Variants in FAM135B observed in about 807,000 individuals in gnomAD.
FAM135B encodes family with sequence similarity 135 member B, also known as protein FAM135B.
FAM135B carries 43 observed loss-of-function variants against 127.7 expected under a neutral mutation model. The observed-to-expected ratio is 0.34, with a 90% CI of 0.26 to 0.43. The LOEUF is 0.43. Among genes scored for constraint, FAM135B ranks in the 20% least tolerant of loss-of-function variants. The probability of loss-of-function intolerance (pLI) is 1.00; values close to 1 mark genes in which losing one functional copy is unlikely to be tolerated. For missense variants in FAM135B, 1,558 were observed against 1,725.6 expected (o/e 0.90, Z 1.72); for synonymous variants, 670 against 665.1 (o/e 1.01, Z -0.11).
upstream of FAM135B, among the ~76,000 whole-genome samples, chr8:138,497,690 C>T (rs534183616): frequency 6.6e-6 from 1 of 152,298 alleles, no homozygotes; most frequent in Non-Finnish European, 1.5e-5. Context: ...ATGGGCTCCT[C>T]ACTTCATGCT....
intron 1 of FAM135B, among the ~76,000 whole-genome samples, chr8:138,487,655 G>C (rs1189349443): frequency 6.7e-6 from 1 of 150,044 alleles, no homozygotes; most frequent in Non-Finnish European, 1.5e-5. Flanking sequence ...GCGGGGCAGG[G>C]GCTGGGCAGG....
intron 7 of FAM135B, among the ~76,000 whole-genome samples, chr8:138,210,240 T>C (rs905135645): frequency 8.5e-5 from 13 of 152,200 alleles, no homozygotes; most frequent in Non-Finnish European, 1.6e-4. Context: ...GCTTTTCTGA[T>C]TTTAATTATA....
At chr8:138,405,848 T>C (rs1833450907) in intron 1 of FAM135B, among the ~76,000 whole-genome samples, 1 of 151,982 alleles carries the variant, frequency 6.6e-6, no homozygotes, top group African/African-American at 2.4e-5. Flanking sequence ...AAAGTGTTCC[T>C]ATTTCTCCAC....
intron 1 of FAM135B, among the ~76,000 whole-genome samples, chr8:138,402,385 C>G (rs1833203047): frequency 6.6e-6 from 1 of 152,134 alleles, no homozygotes; most frequent in South Asian, 2.1e-4. Context: ...ATTCTGTGCT[C>G]AGCTCTTGAT....
At chr8:138,215,213 T>C (rs1400407204) in intron 7 of FAM135B, among the ~76,000 whole-genome samples, 1 of 152,206 alleles carries the variant, frequency 6.6e-6, no homozygotes, top group Non-Finnish European at 1.5e-5. Flanking sequence ...GCCAGTTAGT[T>C]ATCTCTCTAT....
At chr8:138,430,817 G>A (rs1017349473) in intron 1 of FAM135B, among the ~76,000 whole-genome samples, 16 of 152,086 alleles carry the variant, frequency 1.1e-4, no homozygotes, top group Non-Finnish European at 1.6e-4. Context: ...TAATAATTAC[G>A]AAACTGTTCT....
intron 1 of FAM135B, among the ~76,000 whole-genome samples, chr8:138,429,638 G>A (rs1486053262): frequency 6.6e-6 from 1 of 152,162 alleles, no homozygotes; most frequent in Non-Finnish European, 1.5e-5. Context: ...ACAGCTTTCT[G>A]TTAATGACTA....
At chr8:138,414,119 C>CATATATATATATATACATAT (rs1834014095) in intron 1 of FAM135B, among the ~76,000 whole-genome samples, 2 of 124,688 alleles carry the variant, frequency 1.6e-5, no homozygotes, top group Non-Finnish European at 3.4e-5. Context: ...CACACAAATA[C>CATATATATATATATACATAT]ATATATATAT....
At chr8:138,333,645 T>C (rs1364951394) in intron 2 of FAM135B, among the ~76,000 whole-genome samples, 5 of 152,180 alleles carry the variant, frequency 3.3e-5, no homozygotes, top group Non-Finnish European at 5.9e-5. Context: ...AGTCATATCA[T>C]GCTCCTTCTT....
At chr8:138,203,279 C>A (rs1817289570) in intron 7 of FAM135B, among the ~76,000 whole-genome samples, 1 of 152,110 alleles carries the variant, frequency 6.6e-6, no homozygotes, top group Non-Finnish European at 1.5e-5. Flanking sequence ...TGTCACAAAA[C>A]CATCTTACAT....
intron 3 of FAM135B, among the ~76,000 whole-genome samples, chr8:138,297,927 C>A (rs764171946): frequency 6.6e-6 from 1 of 152,202 alleles, no homozygotes; most frequent in Non-Finnish European, 1.5e-5. Flanking sequence ...CAGATGCTTG[C>A]CACAGGTCCT....
At chr8:138,274,610 A>G (rs1048338056) in intron 3 of FAM135B, among the ~76,000 whole-genome samples, 6 of 152,166 alleles carry the variant, frequency 3.9e-5, no homozygotes, top group African/African-American at 1.4e-4. Context: ...CTTCCTAATA[A>G]GCCTGGGAGC....
intron 7 of FAM135B, among the ~76,000 whole-genome samples, chr8:138,232,319 C>T (rs1188740993): frequency 6.6e-6 from 1 of 152,146 alleles, no homozygotes; most frequent in Non-Finnish European, 1.5e-5. Flanking sequence ...CTCCATCATG[C>T]CCAGAAATAC....
At chr8:138,355,537 A>G (rs1256701778) in intron 2 of FAM135B, among the ~76,000 whole-genome samples, 1 of 152,124 alleles carries the variant, frequency 6.6e-6, no homozygotes, top group Non-Finnish European at 1.5e-5. Flanking sequence ...TGAGGACTCT[A>G]TTTGGAGACT....
chr8:138,338,684 T>C (rs1828806555), intron 2 of FAM135B, among the ~76,000 whole-genome samples: 2 of 151,904 alleles, frequency 1.3e-5, no homozygotes, highest in African/African-American at 2.4e-5. Context: ...AGTTCAACCA[T>C]TGTGGAAGTC....
chr8:138,430,777 G>A (rs1835151065), intron 1 of FAM135B, among the ~76,000 whole-genome samples: 1 of 152,118 alleles, frequency 6.6e-6, no homozygotes, highest in Admixed American at 6.6e-5. Context: ...ATTATTACAG[G>A]CATCTTTGGG....
Position 138,226,184 on chromosome 8 carries a change from T to TGTGTGTGTGTGCGCGCGCGCGC in FAM135B, c.669+16757_669+16758insGCGCGCGCGCGCACACACACAC. The stretch of plus-strand genomic sequence containing the variant: ...GTGTGTGTGTGTGTGTGTGTGTGTG[T>TGTGTGTGTGTGCGCGCGCGCGC]GCGCGCATGTCATTTTTTTTTTCAT... On this transcript the variant is annotated intron_variant, in intron 7 of 19. Transcript: ENST00000395297. Among the ~76,000 whole-genome samples the TGTGTGTGTGTGCGCGCGCGCGC allele has an allele frequency of 5.7e-3, 796 of 139,222 alleles. 4 individuals carry two copies. Among genetic ancestry groups the TGTGTGTGTGTGCGCGCGCGCGC allele is most frequent in the Middle Eastern group, 0.011 (3 of 274 alleles). The allele number at this position is 139,222 out of a possible 152,430, so 91.3% of individuals were successfully genotyped here.
At chr8:138,337,819 G>C (rs905752380) in intron 2 of FAM135B, among the ~76,000 whole-genome samples, 3 of 152,134 alleles carry the variant, frequency 2.0e-5, no homozygotes, top group Admixed American at 6.5e-5. Context: ...TAAGCCAAAA[G>C]AACAAAGCTG....
At chr8:138,208,994 T>C (rs1334750710) in intron 7 of FAM135B, among the ~76,000 whole-genome samples, 1 of 152,222 alleles carries the variant, frequency 6.6e-6, no homozygotes, top group Non-Finnish European at 1.5e-5. Flanking sequence ...CATAAGTTGT[T>C]GTTATTAATC....
Sources: gnomAD v4.1 joint callset for allele counts (sites outside exome capture counted in the v4.1 genomes callset) on GRCh38, gnomAD v4.1.1 for gene constraint, MANE v1.5 for transcripts, NCBI Gene and HGNC (gene_info 2026-07-23, HGNC 2026-07-21) for gene names.